SIRPG: variants seen among roughly 807,000 people sequenced by gnomAD.
SIRPG encodes signal regulatory protein gamma.
A neutral mutation model predicts 35.7 loss-of-function variants in SIRPG; 38 were observed. The ratio of observed to expected loss-of-function variants is 1.06; its 90% CI spans 0.82 to 1.40. The LOEUF (loss-of-function observed/expected upper bound fraction) is 1.40. Among genes scored for constraint, SIRPG ranks in the 40% most tolerant of loss-of-function variants. The probability of loss-of-function intolerance (pLI) is 0.00; values close to 1 mark genes in which losing one functional copy is unlikely to be tolerated. For missense variants in SIRPG, 519 were observed against 483.0 expected (o/e 1.07, Z -0.70); for synonymous variants, 215 against 190.4 (o/e 1.13, Z -1.06).
upstream of SIRPG, among the ~76,000 whole-genome samples, chr20:1,662,014 GGGATGAAA>G (rs1278809194): frequency 1.3e-4 from 20 of 152,284 alleles, no homozygotes; most frequent in South Asian, 4.1e-3. Context: ...GCAGCTTTCT[GGGATGAAA>G]CCCAGTCCCC....
upstream of SIRPG, among the ~76,000 whole-genome samples, chr20:1,662,008 C>T (rs77166226): frequency 0.013 from 2,022 of 152,302 alleles, 17 homozygotes; most frequent in Middle Eastern, 0.024. Flanking sequence ...GCTGTAGCAG[C>T]TTTCTGGGAT....
At chr20:1,631,421 C>T (rs917667155) in intron 4 of SIRPG, among the ~76,000 whole-genome samples, 3 of 152,216 alleles carry the variant, frequency 2.0e-5, no homozygotes, top group African/African-American at 7.2e-5. Flanking sequence ...AAAAACACTA[C>T]ATGACGCTCT....
chr20:1,665,761 T>C, the SIRPG span, among the ~76,000 whole-genome samples: 1 of 152,254 alleles, frequency 6.6e-6, no homozygotes, highest in African/African-American at 2.4e-5. Flanking sequence ...AGGTTATGTA[T>C]ATTTTCACAA....
intron 4 of SIRPG, among the ~76,000 whole-genome samples, chr20:1,631,200 G>A (rs2091747321): frequency 6.6e-6 from 1 of 152,124 alleles, no homozygotes; most frequent in Non-Finnish European, 1.5e-5. Flanking sequence ...GGTGCTGGTG[G>A]GTCCTTAAGG....
the SIRPG span, among the ~76,000 whole-genome samples, chr20:1,675,225 G>C: frequency 6.6e-6 from 1 of 152,068 alleles, no homozygotes; most frequent in African/African-American, 2.4e-5. Context: ...CACCAAGAAG[G>C]GGTGGGCACG....
At chr20:1,684,014 C>A in the SIRPG span, among the ~76,000 whole-genome samples, 125 of 150,424 alleles carry the variant, frequency 8.3e-4, 2 homozygotes, top group African/African-American at 3.0e-3. Context: ...TTACCAGGGG[C>A]AGGGGAGGGG....
chr20:1,636,160 G>T (rs1187534314), intron 3 of SIRPG, 28 bp downstream of exon 3: 3 of 1,603,558 alleles, frequency 1.9e-6, no homozygotes, highest in Non-Finnish European at 2.6e-6. Flanking sequence ...CCAGGTGTGG[G>T]CTTGGGCTGG....
chr20:1,632,372 C>T (rs903042219), intron 4 of SIRPG, among the ~76,000 whole-genome samples: 12 of 152,132 alleles, frequency 7.9e-5, no homozygotes, highest in African/African-American at 1.9e-4. Context: ...GTCTCTTACC[C>T]GGCTCCCACG....
At chr20:1,659,476 C>T (rs1363110348), upstream of SIRPG, among the ~76,000 whole-genome samples, 3 of 152,172 alleles carry the variant, frequency 2.0e-5, no homozygotes, top group African/African-American at 7.2e-5. Context: ...CAATTGGCTT[C>T]TATATGACAT....
At chr20:1,663,437 G>A in the SIRPG span, among the ~76,000 whole-genome samples, 1 of 152,358 alleles carries the variant, frequency 6.6e-6, no homozygotes, top group South Asian at 2.1e-4. Context: ...TGAGAAGCAC[G>A]CAGGTTATAA....
the SIRPG span, among the ~76,000 whole-genome samples, chr20:1,684,188 G>C: frequency 2.0e-4 from 31 of 152,270 alleles, no homozygotes; most frequent in African/African-American, 7.5e-4. Flanking sequence ...ACCACAAAAA[G>C]TGATATACAT....
chr20:1,651,442 G>T (rs1382938973), intron 1 of SIRPG: 1 of 152,002 alleles, frequency 6.6e-6, no homozygotes, highest in Non-Finnish European at 1.5e-5. Context: ...CATCTCTCTT[G>T]CTTCCCCATC....
intron 4 of SIRPG, among the ~76,000 whole-genome samples, chr20:1,634,129 A>G (rs2091771864): frequency 6.6e-6 from 1 of 151,754 alleles, no homozygotes; most frequent in African/African-American, 2.4e-5. Flanking sequence ...GTTTGTGATT[A>G]TTGTTGCTCA....
chr20:1,657,681 C>G lies in SIRPG; in HGVS notation c.34G>C (p.Gly12Arg). Residue 12 changes from glycine (G) to arginine (R), a missense_variant, in exon 1 of 6, where the codon GGT becomes CGT. By Grantham distance (125) the Gly-to-Arg change is moderately radical. Transcript: ENST00000303415. ...AGTAGAGTCAGAAGCAGGAAAGGAC[C>G]AGGAGGATGGGGCCAGGAGGCTGGG... ...PVPASWPHPP[G>R]PFLLLTLLLG... 1 of 1,614,126 alleles carries G rather than the reference C, an allele frequency of 6.2e-7. No individual in the cohort carries two copies. The highest frequency in any genetic ancestry group is 1.7e-5 in the Admixed American group (1 of 60,030).
rs983489368 is a variant in SIRPG, at chr20:1,649,151, G to A, written c.331C>T (p.Pro111Ser). 3 of 1,613,904 alleles carry A rather than the reference G, an allele frequency of 1.9e-6. No individual in the cohort carries two copies. The highest frequency in any genetic ancestry group is 2.2e-5 in the South Asian group (2 of 91,080). ...DFSIRISSIT[P>S]ADVGTYYCVK... Reference sequence around the variant, plus strand: ...CAGTAGTATGTGCCGACATCTGCTGGGGTGATGCTACTGATGCGGATGGAA... The same window carrying A: ...CAGTAGTATGTGCCGACATCTGCTGAGGTGATGCTACTGATGCGGATGGAA... The change falls in exon 2 of 6, where the codon CCA becomes TCA. Residue 111 changes from proline (P) to serine (S), a missense_variant. Pro to Ser is a moderately conservative substitution (Grantham distance 74). Transcript: ENST00000303415.
At chr20:1,672,906 T>C in the SIRPG span, among the ~76,000 whole-genome samples, 1 of 152,146 alleles carries the variant, frequency 6.6e-6, no homozygotes, top group Non-Finnish European at 1.5e-5. Context: ...GTTTTCATCA[T>C]TAGTTAACTA....
intron 1 of SIRPG, among the ~76,000 whole-genome samples, chr20:1,654,646 C>T (rs931154959): frequency 2.6e-5 from 4 of 152,018 alleles, no homozygotes; most frequent in African/African-American, 9.7e-5. Flanking sequence ...GATTTGAGCC[C>T]CAAAGCACAG....
Position 1,636,437 on chromosome 20 carries a change from T to C in SIRPG, c.499A>G (p.Thr167Ala). 1.2e-6 allele frequency: 2 copies of C among 1,614,156 alleles called. No individual in the cohort carries two copies. The highest frequency in any genetic ancestry group is 1.7e-6 in the Non-Finnish European group (2 of 1,180,028). The change falls in exon 3 of 6, where the codon ACC becomes GCC. Residue 167 changes from threonine to alanine, a missense_variant. Physicochemically the swap from Thr to Ala is moderately conservative, Grantham distance 58. Transcript: ENST00000303415. Reference sequence around the variant, plus strand: ...GGAGAGAAGCCATGGGACTCACAGGTGAAACTCACTGTATGCTCAGGTGTG... The same window carrying C: ...GGAGAGAAGCCATGGGACTCACAGGCGAAACTCACTGTATGCTCAGGTGTG... The part of the protein sequence containing the change: ...RTTPEHTVSF[T>A]CESHGFSPRD...
Position 1,636,358 on chromosome 20 carries a change from T to G in SIRPG, c.578A>C (p.Gln193Pro), listed in dbSNP as rs1482530255. ...FKNGNELSDF[Q>P]TNVDPTGQSV... is the part of the protein sequence containing the mutation. ...CTGTCCTGTGGGGTCCACGTTGGTC[T>G]GGAAGTCTGAGAGCTCATTCCCATT... The change falls in exon 3 of 6, where the codon CAG becomes CCG. Residue 193 changes from glutamine (Q) to proline (P), a missense_variant. By Grantham distance (76) the Gln-to-Pro change is moderately conservative (BLOSUM62 -1). Transcript: ENST00000303415. 1 of 1,614,250 alleles carries G rather than the reference T, an allele frequency of 6.2e-7. No homozygotes were observed. The highest frequency in any genetic ancestry group is 2.2e-5 in the East Asian group (1 of 44,880).
Sources: gnomAD v4.1 joint callset for allele counts (sites outside exome capture counted in the v4.1 genomes callset) on GRCh38, gnomAD v4.1.1 for gene constraint, MANE v1.5 for transcripts, NCBI Gene and HGNC (gene_info 2026-07-23, HGNC 2026-07-21) for gene names.